Variants in PTPRG observed in about 807,000 individuals in gnomAD.
PTPRG encodes the protein receptor-type tyrosine-protein phosphatase gamma.
A neutral mutation model predicts 165.3 loss-of-function variants in PTPRG; 102 were observed. The ratio of observed to expected loss-of-function variants is 0.62; its 90% confidence interval spans 0.53 to 0.73. PTPRG has a LOEUF of 0.73. Ranked by LOEUF, PTPRG falls within the 30% of genes least tolerant of loss-of-function variation. The pLI is 0.00. For missense variants in PTPRG, 1,866 were observed against 1,861.4 expected (o/e 1.00, Z -0.05); for synonymous variants, 675 against 669.5 (o/e 1.01, Z -0.13).
chr3:62,154,760 A>G (rs767314549), intron 6 of PTPRG, among the ~76,000 whole-genome samples: 3 of 152,038 alleles, frequency 2.0e-5, no homozygotes, highest in Non-Finnish European at 1.5e-5. Context: ...AACTCTTCTG[A>G]TTCTCTAGCC....
chr3:62,136,582 C>T (rs948759036), intron 6 of PTPRG, among the ~76,000 whole-genome samples: 1 of 152,096 alleles, frequency 6.6e-6, no homozygotes, highest in African/African-American at 2.4e-5. Context: ...TGGCTGTGTC[C>T]CACCTAAATC....
intron 1 of PTPRG, among the ~76,000 whole-genome samples, chr3:61,585,280 CAAAAAAAAAA>C (rs3039784): frequency 1.2e-5 from 1 of 81,332 alleles, no homozygotes; most frequent in South Asian, 5.5e-4. Context: ...GACCCTGTCT[CAAAAAAAAAA>C]AAAAAAAAGA....
intron 4 of PTPRG, among the ~76,000 whole-genome samples, chr3:62,050,649 A>G (rs1398088747): frequency 3.3e-5 from 5 of 152,362 alleles, no homozygotes; most frequent in Admixed American, 6.5e-5. Flanking sequence ...GTTGTAAACT[A>G]TCTAATCTAT....
intron 2 of PTPRG, among the ~76,000 whole-genome samples, chr3:61,953,275 T>C (rs1450571961): frequency 6.6e-6 from 1 of 152,140 alleles, no homozygotes; most frequent in Non-Finnish European, 1.5e-5. Flanking sequence ...CCACCCACCC[T>C]TGCTCTGCTA....
At chr3:61,710,837 A>AG (rs2031513762) in intron 1 of PTPRG, among the ~76,000 whole-genome samples, 1 of 152,114 alleles carries the variant, frequency 6.6e-6, no homozygotes, top group Admixed American at 6.5e-5. Flanking sequence ...TTTATTACAT[A>AG]GGTATGCATG....
chr3:61,616,648 G>A (rs903854827), intron 1 of PTPRG, among the ~76,000 whole-genome samples: 2 of 152,302 alleles, frequency 1.3e-5, no homozygotes, highest in African/African-American at 4.8e-5. Context: ...CTGGACAGAC[G>A]GTACTCTTCT....
chr3:61,932,634 C>T (rs6782240), intron 2 of PTPRG, among the ~76,000 whole-genome samples: 3,889 of 152,264 alleles, frequency 0.026, 144 homozygotes, highest in African/African-American at 0.087. Context: ...ATTCTCACTT[C>T]ACAGCTGAGG....
At chr3:62,283,706 G>A (rs1265663867) in intron 28 of PTPRG, among the ~76,000 whole-genome samples, 1 of 152,046 alleles carries the variant, frequency 6.6e-6, no homozygotes, top group Non-Finnish European at 1.5e-5. Flanking sequence ...TAATAAATTT[G>A]AAAGTGAAGC....
intron 2 of PTPRG, among the ~76,000 whole-genome samples, chr3:61,962,027 G>A (rs1303387309): frequency 6.6e-6 from 1 of 152,180 alleles, no homozygotes; most frequent in Non-Finnish European, 1.5e-5. Context: ...GTGCCATGAA[G>A]TATTTTTTTG....
intron 2 of PTPRG, among the ~76,000 whole-genome samples, chr3:61,907,113 T>A (rs533447642): frequency 2.6e-5 from 4 of 152,100 alleles, no homozygotes; most frequent in Non-Finnish European, 4.4e-5. Flanking sequence ...GTATGCTACT[T>A]ATTCCTTCTC....
intron 2 of PTPRG, among the ~76,000 whole-genome samples, chr3:61,796,831 ACT>A (rs892521149): frequency 4.0e-5 from 6 of 151,520 alleles, no homozygotes; most frequent in African/African-American, 9.7e-5. Flanking sequence ...TTCTCTCTTC[ACT>A]CTCTTTTCTG....
At chr3:62,062,568 G>T (rs1157699228) in intron 4 of PTPRG, among the ~76,000 whole-genome samples, 1 of 152,144 alleles carries the variant, frequency 6.6e-6, no homozygotes, top group African/African-American at 2.4e-5. Flanking sequence ...CAAGTAACCA[G>T]TTCAACAGAG....
intron 1 of PTPRG, among the ~76,000 whole-genome samples, chr3:61,583,539 T>C (rs1317639): frequency 0.28 from 42,718 of 152,064 alleles, 6,614 homozygotes; most frequent in African/African-American, 0.39. Flanking sequence ...TTTGCCTGCC[T>C]AGCATCTCTT....
intron 4 of PTPRG, among the ~76,000 whole-genome samples, chr3:62,045,801 G>T (rs796647642): frequency 6.6e-6 from 1 of 152,186 alleles, no homozygotes; most frequent in Non-Finnish European, 1.5e-5. Flanking sequence ...TGGCACTCAA[G>T]CTTTATCTTT....
chr3:61,733,972 A>AT (rs1289061313), intron 1 of PTPRG, among the ~76,000 whole-genome samples: 2 of 152,112 alleles, frequency 1.3e-5, no homozygotes, highest in East Asian at 3.9e-4. Flanking sequence ...TAATTTTTGT[A>AT]TTTTTTGTAG....
intron 1 of PTPRG, among the ~76,000 whole-genome samples, chr3:61,706,589 G>A (rs898245642): frequency 2.0e-5 from 3 of 151,734 alleles, no homozygotes; most frequent in South Asian, 2.1e-4. Flanking sequence ...CGCCTCCGGG[G>A]TTCAAGCGAT....
intron 2 of PTPRG, among the ~76,000 whole-genome samples, chr3:61,954,061 T>A (rs2039965891): frequency 6.6e-6 from 1 of 152,178 alleles, no homozygotes; most frequent in Admixed American, 6.5e-5. Context: ...TCATTGGTCT[T>A]CCAGTTTGTT....
At chr3:62,008,339 G>A (rs535647753) in intron 4 of PTPRG, among the ~76,000 whole-genome samples, 62 of 152,270 alleles carry the variant, frequency 4.1e-4, no homozygotes, top group African/African-American at 1.2e-3. Context: ...AAAAGATCAC[G>A]GGAGTTGTTG....
intron 14 of PTPRG, 59 bp downstream of exon 14, chr3:62,231,370 A>G: frequency 7.0e-7 from 1 of 1,423,816 alleles, no homozygotes; most frequent in East Asian, 2.5e-5. Context: ...GGCTTGCCAA[A>G]TTTTTGTTTT....
Sources: gnomAD v4.1 joint callset for allele counts (sites outside exome capture counted in the v4.1 genomes callset) on GRCh38, gnomAD v4.1.1 for gene constraint, MANE v1.5 for transcripts, NCBI Gene and HGNC (gene_info 2026-07-23, HGNC 2026-07-21) for gene names.